The following NBEA variants were observed in gnomAD, a reference collection of about 807,000 sequenced individuals.
NBEA encodes lysosomal-trafficking regulator 2.
Under a neutral mutation model 343.4 loss-of-function variants are expected in NBEA, and 44 were observed. That is an observed-to-expected ratio of 0.13 (90% CI 0.10 to 0.16). The LOEUF (loss-of-function observed/expected upper bound fraction) is 0.16. Among genes scored for constraint, NBEA ranks in the 10% least tolerant of loss-of-function variants. The pLI is 1.00. For synonymous variants in NBEA, 1,175 were observed against 1,238.7 expected (o/e 0.95, Z 1.08); for missense variants, 2,555 against 3,631.3 (o/e 0.70, Z 7.62).
chr13:35,124,728 A>C (rs1455623688), intron 17 of NBEA, among the ~76,000 whole-genome samples: 1 of 151,498 alleles, frequency 6.6e-6, no homozygotes, highest in African/African-American at 2.4e-5. Context: ...ATATATACAC[A>C]TATGTATGGA....
intron 41 of NBEA, among the ~76,000 whole-genome samples, chr13:35,485,913 T>A (rs939103585): frequency 3.3e-5 from 5 of 152,134 alleles, no homozygotes; most frequent in Non-Finnish European, 7.4e-5. Context: ...TATTCTTAAA[T>A]AAGAAACTCT....
chr13:35,507,361 C>T (rs1005091140), intron 41 of NBEA, among the ~76,000 whole-genome samples: 5 of 151,884 alleles, frequency 3.3e-5, no homozygotes, highest in African/African-American at 7.3e-5. Context: ...GCTTAAATAT[C>T]CTCCATATAC....
chr13:35,655,430 T>A lies in NBEA; in HGVS notation c.8192-149T>A, dbSNP rs970831013. Reference sequence around the variant, plus strand: ...AGCCAGATTTGAATAACATTGTAACTTTGTCAGCCCATAGATGAACTTTTC... The same window carrying A: ...AGCCAGATTTGAATAACATTGTAACATTGTCAGCCCATAGATGAACTTTTC... On this transcript the variant is annotated intron_variant, in intron 54 of 58. Transcript: ENST00000379939. The A allele has an allele frequency of 3.8e-6, 3 of 791,066 alleles. No individual in the cohort carries two copies. The Admixed American group carries it at 9.0e-5, about 24-fold the overall frequency. The allele number at this position is 791,066 out of a possible 1,614,324, so 49.0% of individuals were successfully genotyped here.
intron 1 of NBEA, among the ~76,000 whole-genome samples, chr13:34,962,756 T>G (rs1299848100): frequency 6.6e-6 from 1 of 152,070 alleles, no homozygotes; most frequent in East Asian, 1.9e-4. Context: ...TCCCTGCTTA[T>G]TGAAACCAGA....
chr13:35,655,021 CTATGAAACACCA>C lies in NBEA; in HGVS notation c.8191+15_8191+26del. On this transcript the variant is annotated intron_variant, in intron 54 of 58. Transcript: ENST00000379939. Reference sequence around the variant, plus strand: ...ATTCTACAGAAACAGGTAATCCTAACTATGAAACACCATATTCTCTTCAAAATGACTATTGTT... The same window carrying C: ...ATTCTACAGAAACAGGTAATCCTAACTATTCTCTTCAAAATGACTATTGTT... 6.7e-7 allele frequency: 1 copy of C among 1,499,308 alleles called. No individual in the cohort carries two copies. Among genetic ancestry groups the C allele is most frequent in the Admixed American group, 2.5e-5 (1 of 39,744 alleles). The allele number at this position is 1,499,308 out of a possible 1,614,324, so 92.9% of individuals were successfully genotyped here. A position where few individuals can be genotyped will look rare whatever the true frequency, so the allele number is the denominator to read the frequency against.
intron 48 of NBEA, among the ~76,000 whole-genome samples, chr13:35,627,522 G>C (rs2083280986): frequency 6.6e-6 from 1 of 151,772 alleles, no homozygotes; most frequent in African/African-American, 2.4e-5. Context: ...CCATTAGCTA[G>C]CAAACATCCA....
chr13:35,423,509 A>G (rs866591545), intron 38 of NBEA, among the ~76,000 whole-genome samples: 2 of 151,992 alleles, frequency 1.3e-5, no homozygotes, highest in African/African-American at 4.8e-5. Context: ...ATTGTTCTAT[A>G]TCTCTGTTTT....
intron 8 of NBEA, among the ~76,000 whole-genome samples, chr13:35,065,909 A>T (rs147461554): frequency 1.3e-5 from 2 of 152,082 alleles, no homozygotes; most frequent in South Asian, 2.1e-4. Context: ...TCATAAATTT[A>T]TTCAGGTTTG....
chr13:35,553,982 G>A (rs542911362), intron 43 of NBEA, among the ~76,000 whole-genome samples: 1 of 152,288 alleles, frequency 6.6e-6, no homozygotes, highest in South Asian at 2.1e-4. Flanking sequence ...AAAAATCAGT[G>A]TGGAACAGGA....
Position 35,671,591 on chromosome 13 carries a change from G to A in NBEA, c.*600G>A, listed in dbSNP as rs1049848125. 3.3e-5 allele frequency: 5 copies of A among 152,610 alleles called. No homozygotes were observed. The highest frequency in any genetic ancestry group is 1.2e-4 in the African/African-American group (5 of 41,436). 9.5% of individuals were successfully genotyped at this position (152,610 alleles called of 1,614,324 possible). ...CTATGAAACAGAAAGATCTGTCCAA[G>A]GACACAGCTTGTATGAAAGGGTTGA... On this transcript the variant is annotated 3_prime_UTR_variant, in exon 59 of 59. Coordinates refer to ENST00000379939, the MANE Select transcript of NBEA (RefSeq NM_001385012.1).
intron 36 of NBEA, among the ~76,000 whole-genome samples, chr13:35,328,689 T>C (rs1448050510): frequency 6.6e-6 from 1 of 151,684 alleles, no homozygotes; most frequent in Admixed American, 6.6e-5. Flanking sequence ...ACGGTGTTCA[T>C]GGATCTGAAG....
intron 41 of NBEA, among the ~76,000 whole-genome samples, chr13:35,505,208 T>C (rs574492665): frequency 6.6e-6 from 1 of 152,288 alleles, no homozygotes; most frequent in Admixed American, 6.5e-5. Context: ...GAATCCAACA[T>C]TGAGGTAAAA....
chr13:35,139,710 A>G (rs2067961261), intron 17 of NBEA, among the ~76,000 whole-genome samples: 2 of 142,706 alleles, frequency 1.4e-5, no homozygotes, highest in South Asian at 4.6e-4. Context: ...GTACAGGGCC[A>G]GTGCACCATT....
intron 49 of NBEA, among the ~76,000 whole-genome samples, chr13:35,630,827 A>G (rs2083417333): frequency 1.3e-5 from 2 of 152,104 alleles, no homozygotes; most frequent in South Asian, 4.2e-4. Flanking sequence ...TGGACTCAAG[A>G]TTGCTTAGGA....
chr13:35,363,796 C>T (rs538185241), intron 38 of NBEA, among the ~76,000 whole-genome samples: 1 of 151,892 alleles, frequency 6.6e-6, no homozygotes, highest in Non-Finnish European at 1.5e-5. Context: ...ACAGTTAACT[C>T]ATCATGTTCT....
At chr13:35,274,844 T>C (rs1391764734) in intron 34 of NBEA, among the ~76,000 whole-genome samples, 2 of 151,970 alleles carry the variant, frequency 1.3e-5, no homozygotes, top group Non-Finnish European at 1.5e-5. Context: ...CACTGCTCAA[T>C]GAAATAAAAG....
intron 41 of NBEA, among the ~76,000 whole-genome samples, chr13:35,492,793 C>T (rs942246748): frequency 6.6e-6 from 1 of 151,806 alleles, no homozygotes; most frequent in African/African-American, 2.4e-5. Context: ...TCTCTTGGCA[C>T]TTAAAGCACT....
intron 13 of NBEA, among the ~76,000 whole-genome samples, chr13:35,111,795 T>C (rs1391756350): frequency 4.6e-5 from 7 of 152,092 alleles, no homozygotes; most frequent in African/African-American, 1.7e-4. Context: ...TTCAGGAATG[T>C]CATATTATTT....
intron 13 of NBEA, among the ~76,000 whole-genome samples, chr13:35,116,325 G>A (rs2066488881): frequency 6.6e-6 from 1 of 152,154 alleles, no homozygotes; most frequent in African/African-American, 2.4e-5. Context: ...GACCAAAGAA[G>A]TGTTTATACA....
Sources: gnomAD v4.1 joint callset for allele counts (sites outside exome capture counted in the v4.1 genomes callset) on GRCh38, gnomAD v4.1.1 for gene constraint, MANE v1.5 for transcripts, NCBI Gene and HGNC (gene_info 2026-07-23, HGNC 2026-07-21) for gene names.